COMMD10: variants seen among roughly 807,000 people sequenced by gnomAD.
COMMD10 encodes the protein COMM domain containing 10, also known as COMM domain-containing protein 10.
In COMMD10, 33 loss-of-function variants were observed where a neutral mutation model predicts 28.9. That is an observed-to-expected ratio of 1.14 (90% CI 0.87 to 1.53). The LOEUF (loss-of-function observed/expected upper bound fraction) is 1.53. Among genes scored for constraint, COMMD10 ranks in the 40% most tolerant of loss-of-function variants. COMMD10 has a pLI of 0.00. For missense variants in COMMD10, 310 were observed against 233.4 expected (o/e 1.33, Z -2.14); for synonymous variants, 110 against 81.7 (o/e 1.35, Z -1.87).
At chr5:116,177,188 G>A (rs1304160762) in intron 5 of COMMD10, among the ~76,000 whole-genome samples, 2 of 152,078 alleles carry the variant, frequency 1.3e-5, no homozygotes, top group Middle Eastern at 3.2e-3. Flanking sequence ...TGGACAAAGT[G>A]TCTTAATGGA....
chr5:116,155,260 A>G (rs970330587), intron 5 of COMMD10, among the ~76,000 whole-genome samples: 2 of 152,254 alleles, frequency 1.3e-5, no homozygotes, highest in East Asian at 1.9e-4. Context: ...ATACAAGTGA[A>G]TCATAGTTAA....
At chr5:116,246,156 G>A (rs1180168100) in intron 5 of COMMD10, among the ~76,000 whole-genome samples, 1 of 152,058 alleles carries the variant, frequency 6.6e-6, no homozygotes, top group African/African-American at 2.4e-5. Flanking sequence ...CAACATGAGT[G>A]TGCAAAAATC....
At chr5:116,109,905 A>T (rs891381733) in intron 4 of COMMD10, among the ~76,000 whole-genome samples, 1 of 152,196 alleles carries the variant, frequency 6.6e-6, no homozygotes, top group African/African-American at 2.4e-5. Context: ...TTCCAGTACT[A>T]TGTTAAATAG....
At chr5:116,205,758 T>G (rs545497097) in intron 5 of COMMD10, among the ~76,000 whole-genome samples, 1 of 152,156 alleles carries the variant, frequency 6.6e-6, no homozygotes, top group East Asian at 1.9e-4. Flanking sequence ...TAAGTTGTTA[T>G]AACAGTTCCT....
At chr5:116,201,912 G>C (rs1748677141) in intron 5 of COMMD10, among the ~76,000 whole-genome samples, 1 of 151,832 alleles carries the variant, frequency 6.6e-6, no homozygotes, top group Non-Finnish European at 1.5e-5. Flanking sequence ...TATACTTTAA[G>C]TTTTAGGGTA....
intron 5 of COMMD10, among the ~76,000 whole-genome samples, chr5:116,154,783 C>G (rs1429726107): frequency 1.4e-5 from 1 of 72,692 alleles, no homozygotes; most frequent in East Asian, 2.8e-4. Flanking sequence ...AGTGATAGCC[C>G]TTCATTTTTT....
intron 4 of COMMD10, among the ~76,000 whole-genome samples, chr5:116,124,372 T>G (rs149833859): frequency 6.6e-6 from 1 of 152,292 alleles, no homozygotes; most frequent in African/African-American, 2.4e-5. Flanking sequence ...CATGTACTTA[T>G]GCAGTTTTAA....
chr5:116,152,766 T>G (rs1752575399), intron 5 of COMMD10, among the ~76,000 whole-genome samples: 2 of 152,130 alleles, frequency 1.3e-5, no homozygotes, highest in African/African-American at 2.4e-5. Flanking sequence ...TTGGTTATTT[T>G]TGCCACTTTT....
intron 5 of COMMD10, among the ~76,000 whole-genome samples, chr5:116,259,856 TTTG>T (rs1458298330): frequency 6.6e-6 from 1 of 151,650 alleles, no homozygotes; most frequent in African/African-American, 2.4e-5. Context: ...TACTCCTGCT[TTTG>T]TTATTTATTG....
intron 5 of COMMD10, among the ~76,000 whole-genome samples, chr5:116,216,265 C>A (rs2112638898): frequency 6.6e-6 from 1 of 152,220 alleles, no homozygotes; most frequent in East Asian, 1.9e-4. Context: ...GAAAATTTCT[C>A]ATTGAGGAAG....
chr5:116,085,136 G>C (rs375958593), intron 1 of COMMD10, 43 bp downstream of exon 1: 7 of 1,552,944 alleles, frequency 4.5e-6, no homozygotes, highest in Middle Eastern at 1.9e-4. Context: ...CGCCCAGGAA[G>C]GCCCAGATCG....
At chr5:116,193,115 G>T (rs1479821225) in intron 5 of COMMD10, among the ~76,000 whole-genome samples, 1 of 152,178 alleles carries the variant, frequency 6.6e-6, no homozygotes. Context: ...AATGCTGCGT[G>T]AATTCACCAT....
intron 5 of COMMD10, among the ~76,000 whole-genome samples, chr5:116,151,050 TGA>T (rs1205145380): frequency 4.0e-5 from 6 of 151,068 alleles, no homozygotes; most frequent in Non-Finnish European, 5.9e-5. Flanking sequence ...CCTAATTTAT[TGA>T]GAGTTTTTGG....
chr5:116,158,175 G>A (rs1457015005), intron 5 of COMMD10, among the ~76,000 whole-genome samples: 82 of 888 alleles, frequency 0.092, 25 homozygotes, highest in African/African-American at 0.26. Context: ...CTCTCCCTCC[G>A]TCTCCCCTCT....
chr5:116,101,157 C>T (rs1288309120), intron 4 of COMMD10, among the ~76,000 whole-genome samples: 3 of 152,148 alleles, frequency 2.0e-5, no homozygotes, highest in East Asian at 3.8e-4. Context: ...ATGATGGACA[C>T]TTAGGTTGAT....
At chr5:116,215,532 CA>C (rs1206929847) in intron 5 of COMMD10, among the ~76,000 whole-genome samples, 18 of 151,354 alleles carry the variant, frequency 1.2e-4, no homozygotes, top group Non-Finnish European at 1.6e-4. Context: ...ACTAAAAATA[CA>C]AAAATGAGCC....
At chr5:116,132,130 A>G (rs975725492) in intron 4 of COMMD10, among the ~76,000 whole-genome samples, 1 of 152,072 alleles carries the variant, frequency 6.6e-6, no homozygotes, top group Non-Finnish European at 1.5e-5. Context: ...GAATATGTGG[A>G]TGATGAGAAT....
chr5:116,110,437 G>T (rs918006417), intron 4 of COMMD10, among the ~76,000 whole-genome samples: 1 of 152,138 alleles, frequency 6.6e-6, no homozygotes, highest in African/African-American at 2.4e-5. Flanking sequence ...AGTTTTACAA[G>T]AATTGGTATT....
At chr5:116,167,546 G>T (rs1753167474) in intron 5 of COMMD10, among the ~76,000 whole-genome samples, 2 of 152,164 alleles carry the variant, frequency 1.3e-5, no homozygotes, top group South Asian at 4.1e-4. Flanking sequence ...ATAATCATCA[G>T]ATTCACCAAG....
Sources: gnomAD v4.1 joint callset for allele counts (sites outside exome capture counted in the v4.1 genomes callset) on GRCh38, gnomAD v4.1.1 for gene constraint, MANE v1.5 for transcripts, NCBI Gene and HGNC (gene_info 2026-07-23, HGNC 2026-07-21) for gene names.